The following RNF4 variants were observed in gnomAD, a reference collection of about 807,000 sequenced individuals.
The protein encoded by RNF4 is E3 ubiquitin-protein ligase RNF4.
Under a neutral mutation model 24.3 loss-of-function variants are expected in RNF4, and 7 were observed. The ratio of observed to expected loss-of-function variants is 0.29; its 90% CI spans 0.16 to 0.54. RNF4 has a LOEUF of 0.54. RNF4 is among the 20% of genes least tolerant of loss of function. The pLI is 0.95. For synonymous variants in RNF4, 83 were observed against 84.3 expected, an observed-to-expected ratio of 0.98 and a Z score of 0.09; for missense variants, 209 against 248.5, an observed-to-expected ratio of 0.84 and a Z score of 1.07.
rs1553879471 is a variant in RNF4 at position 2,504,524 on chromosome 4, T to TTTTAGTTATTTA, written c.204+3790_204+3791insGTTATTTATTTA. Reference sequence around the variant, plus strand: ...GTTTAAAACTTCTTTGTTTTATAGCTTTTATTTATTTATTTATTTATTTAT... The same window carrying TTTTAGTTATTTA: ...GTTTAAAACTTCTTTGTTTTATAGCTTTTAGTTATTTATTTATTTATTTATTTATTTATTTAT... On this transcript the variant is annotated intron_variant, in intron 4 of 7. Coordinates refer to ENST00000314289, the MANE Select transcript of RNF4 (RefSeq NM_002938.5). Among the ~76,000 whole-genome samples, 17 of 140,860 alleles carry TTTTAGTTATTTA rather than the reference T, an allele frequency of 1.2e-4. No homozygotes were observed. In the South Asian group the frequency reaches 2.5e-3, roughly 21 times the overall value. 92.4% of individuals were successfully genotyped at this position (140,860 alleles called of 152,430 possible).
At chr4:2,493,679 A>C (rs1340886236) in intron 2 of RNF4, among the ~76,000 whole-genome samples, 1 of 141,012 alleles carries the variant, frequency 7.1e-6, no homozygotes, top group Non-Finnish European at 1.5e-5. Context: ...GGGAGGCAGA[A>C]GTTGTGGTGA....
Position 2,490,075 on chromosome 4 carries a change from A to G in RNF4, c.-157-262A>G, listed in dbSNP as rs539792725. On this transcript the variant is annotated intron_variant, in intron 1 of 7. Coordinates refer to ENST00000314289, the MANE Select transcript of RNF4 (RefSeq NM_002938.5). ...CTCGCACCTCCTCCCAGCAGTTAGC[A>G]CGGTACCTTGCCAAGGTGGCAGGAG... Among the ~76,000 whole-genome samples, 30 of 152,200 alleles carry G rather than the reference A, an allele frequency of 2.0e-4. No individual in the cohort carries two copies. The South Asian group carries it at 6.2e-3, about 32-fold the overall frequency.
chr4:2,502,411 C>T (rs746435272), intron 4 of RNF4, among the ~76,000 whole-genome samples: 2 of 151,998 alleles, frequency 1.3e-5, no homozygotes, highest in Admixed American at 6.6e-5. Flanking sequence ...TCAGGCTGGG[C>T]GCGGTGGCTC....
At chr4:2,474,232 G>A (rs1408331144) in intron 1 of RNF4, among the ~76,000 whole-genome samples, 2 of 151,674 alleles carry the variant, frequency 1.3e-5, no homozygotes, top group African/African-American at 4.8e-5. Flanking sequence ...AAAAAAATTA[G>A]CCAGGTGTGG....
Position 2,470,722 on chromosome 4 carries a change from C to T in RNF4, c.-158+1464C>T, listed in dbSNP as rs113111408. On this transcript the variant is annotated intron_variant, in intron 1 of 7. Coordinates refer to ENST00000314289, the MANE Select transcript of RNF4 (RefSeq NM_002938.5). ...TTTTTGAGGTCTCCTGTATGCCAACCTTTCTGCTTGGAATACAGCAGTAAA... is the reference window on the plus strand; with the variant it reads ...TTTTTGAGGTCTCCTGTATGCCAACTTTTCTGCTTGGAATACAGCAGTAAA... 1.3e-4 allele frequency among the ~76,000 whole-genome samples: 20 copies of T among 152,258 alleles called. 2 individuals are homozygous for T. The highest frequency in any genetic ancestry group is 4.8e-4 in the African/African-American group (20 of 41,550).
rs1238793894 is a variant in RNF4, at chr4:2,514,099, C to G, written c.*280C>G. Reference sequence around the variant, plus strand: ...GCGCATTGGGAATCGTGGTTCCAGTCTGGTTGCAGAATCTGCACATTTGCC... The same window carrying G: ...GCGCATTGGGAATCGTGGTTCCAGTGTGGTTGCAGAATCTGCACATTTGCC... On this transcript the variant is annotated 3_prime_UTR_variant, in exon 8 of 8. Transcript: ENST00000314289. 4.9e-6 allele frequency: 2 copies of G among 405,272 alleles called. No homozygotes were observed. Among genetic ancestry groups the G allele is most frequent in the Non-Finnish European group, 9.0e-6 (2 of 222,806 alleles). The allele number at this position is 405,272 out of a possible 1,614,324, so 25.1% of individuals were successfully genotyped here.
rs576930915 is a variant in RNF4 at position 2,515,494 on chromosome 4, C to T, written c.*1675C>T. On this transcript the variant is annotated 3_prime_UTR_variant, in exon 8 of 8. Transcript: ENST00000314289. ...ATTAACTTTCTTCTGGGCATCACGG[C>T]AATGTCACGATGCCCAGACTTGGAG... 1.3e-5 allele frequency: 2 copies of T among 152,418 alleles called. No individual in the cohort carries two copies. Among genetic ancestry groups the T allele is most frequent in the East Asian group, 1.9e-4 (1 of 5,174 alleles). The allele number at this position is 152,418 out of a possible 1,614,324, so 9.4% of individuals were successfully genotyped here.
intron 3 of RNF4, 90 bp downstream of exon 3, chr4:2,497,211 G>A: frequency 1.1e-6 from 1 of 874,018 alleles, no homozygotes; most frequent in African/African-American, 1.7e-5. Flanking sequence ...TGCTTTCAGT[G>A]TCTTTAGAAG....
chr4:2,488,828 A>ATTTT (rs1432550319), intron 1 of RNF4, among the ~76,000 whole-genome samples: 47 of 151,610 alleles, frequency 3.1e-4, no homozygotes, highest in Non-Finnish European at 6.2e-4. Context: ...TTATTTATTT[A>ATTTT]TTTTTTTGAG....
chr4:2,476,068 G>C (rs1292362582), intron 1 of RNF4, among the ~76,000 whole-genome samples: 3 of 152,110 alleles, frequency 2.0e-5, no homozygotes, highest in Non-Finnish European at 4.4e-5. Flanking sequence ...AAAATTTATT[G>C]ATTCTCAGTA....
At chr4:2,492,571 G>T (rs1354026194) in intron 2 of RNF4, among the ~76,000 whole-genome samples, 1 of 152,234 alleles carries the variant, frequency 6.6e-6, no homozygotes, top group Non-Finnish European at 1.5e-5. Flanking sequence ...TTCTTCCAGT[G>T]CTCCAGAAGT....
In RNF4 at chr4:2,512,622, T is replaced by A; in HGVS notation, c.374+25T>A. 1 of 1,611,848 alleles carries A rather than the reference T, an allele frequency of 6.2e-7. No homozygotes were observed. Among genetic ancestry groups the A allele is most frequent in the Admixed American group, 1.7e-5 (1 of 59,812 alleles). On this transcript the variant is annotated intron_variant, in intron 6 of 7. Coordinates refer to ENST00000314289, the MANE Select transcript of RNF4 (RefSeq NM_002938.5). This position sits in a 1 kb window ranked among gnomAD's most constrained non-coding sequence, Gnocchi z 4.1. ...GGTACCAACGTGCCCCCAGCTCTGC[T>A]GCCGCCATGCTAGGATGTGGGGCCA...
intron 1 of RNF4, among the ~76,000 whole-genome samples, chr4:2,474,456 A>G (rs1647557383): frequency 6.6e-6 from 1 of 152,120 alleles, no homozygotes; most frequent in Non-Finnish European, 1.5e-5. Context: ...ACTTGAACAC[A>G]TGGAGAGTTG....
At chr4:2,513,051 TGAGAA>T in intron 6 of RNF4, 27 bp from the exon 7 acceptor site, 6 of 1,610,032 alleles carry the variant, frequency 3.7e-6, no homozygotes, top group Non-Finnish European at 5.1e-6. Flanking sequence ...TTGCGTTGAC[TGAGAA>T]ACTAACGTGA....
At chr4:2,470,945 A>T (rs1434971964) in intron 1 of RNF4, 1 of 147,790 alleles carries the variant, frequency 6.8e-6, no homozygotes, top group Non-Finnish European at 1.5e-5. Flanking sequence ...CGTTTGGGTA[A>T]TTCACAATAT....
intron 3 of RNF4, chr4:2,499,515 A>G: frequency 3.6e-6 from 1 of 277,384 alleles, no homozygotes. Context: ...ACCTCAGGTG[A>G]TCCGCCCACC....
At chr4:2,508,675 A>G (rs926299207) in intron 4 of RNF4, among the ~76,000 whole-genome samples, 2 of 152,020 alleles carry the variant, frequency 1.3e-5, no homozygotes, top group African/African-American at 2.4e-5. Context: ...CAGTGGTGCA[A>G]TCTCGGCTCA....
At chr4:2,500,537 T>G (rs1409022071) in intron 3 of RNF4, 122 bp from the exon 4 acceptor site, 2 of 924,944 alleles carry the variant, frequency 2.2e-6, no homozygotes, top group Non-Finnish European at 3.3e-6. Context: ...TTGCAGTGTA[T>G]ACTTCAGGAT....
intron 4 of RNF4, among the ~76,000 whole-genome samples, chr4:2,511,273 T>G (rs1286668103): frequency 3.0e-5 from 4 of 133,986 alleles, no homozygotes; most frequent in Non-Finnish European, 6.4e-5. Context: ...CCCCAGATAG[T>G]AAGGAAGGTC....
Sources: allele counts gnomAD v4.1 joint callset (sites outside exome capture counted in the v4.1 genomes callset), GRCh38; gene constraint gnomAD v4.1.1; non-coding constraint Gnocchi (gnomAD v3.1); transcripts MANE v1.5; gene names NCBI Gene and HGNC (gene_info 2026-07-23, HGNC 2026-07-21).